DNM1L: variants seen among roughly 807,000 people sequenced by gnomAD.
DNM1L encodes the protein dynamin 1L.
A neutral mutation model predicts 92.8 loss-of-function variants in DNM1L; 33 were observed. That is an observed-to-expected ratio of 0.36 (90% CI 0.27 to 0.48). The LOEUF is 0.48. Ranked by LOEUF, DNM1L falls within the 20% of genes least tolerant of loss-of-function variation. The pLI is 0.99. For missense variants in DNM1L, 485 were observed against 888.8 expected, an observed-to-expected ratio of 0.55 and a Z score of 5.78; for synonymous variants, 284 against 305.0, an observed-to-expected ratio of 0.93 and a Z score of 0.72.
intron 9 of DNM1L, among the ~76,000 whole-genome samples, chr12:32,729,836 G>C (rs1031144178): frequency 6.6e-6 from 1 of 152,048 alleles, no homozygotes; most frequent in African/African-American, 2.4e-5. Context: ...TTGTCCTTTT[G>C]TGCTTGGCTT....
At chr12:32,693,168 G>T (rs969660363) in intron 1 of DNM1L, among the ~76,000 whole-genome samples, 4 of 152,086 alleles carry the variant, frequency 2.6e-5, no homozygotes, top group Non-Finnish European at 2.9e-5. Context: ...ATTTATATCT[G>T]TACTTTCTAT....
intron 13 of DNM1L, 98 bp from the exon 14 acceptor site, chr12:32,737,007 G>GT (rs1954930603): frequency 8.4e-7 from 1 of 1,187,702 alleles, no homozygotes; most frequent in African/African-American, 1.5e-5. Flanking sequence ...GGATGTATCT[G>GT]TAAGTTACTC....
intron 9 of DNM1L, chr12:32,726,917 TA>T: frequency 1.4e-6 from 1 of 693,984 alleles, no homozygotes; most frequent in Admixed American, 2.3e-5. Flanking sequence ...ATTGAAATTC[TA>T]AGACAAAACT....
At chr12:32,706,027 T>A in intron 2 of DNM1L, 1 of 543,524 alleles carries the variant, frequency 1.8e-6, no homozygotes, top group Non-Finnish European at 3.1e-6. Flanking sequence ...TGGCATTGCA[T>A]CAAAATGCAA....
At chr12:32,729,884 C>T (rs77458370) in intron 9 of DNM1L, among the ~76,000 whole-genome samples, 3,085 of 152,008 alleles carry the variant, frequency 0.02, 103 homozygotes, top group African/African-American at 0.072. Flanking sequence ...TACTTTTTGC[C>T]TGAGCTAGTA....
At chr12:32,681,115 A>C (rs1592552087) in intron 1 of DNM1L, among the ~76,000 whole-genome samples, 1 of 152,336 alleles carries the variant, frequency 6.6e-6, no homozygotes, top group African/African-American at 2.4e-5. Flanking sequence ...TAAAGATCCC[A>C]TCCTTCTGAA....
chr12:32,706,621 T>C, intron 2 of DNM1L: 3 of 445,606 alleles, frequency 6.7e-6, no homozygotes, highest in Non-Finnish European at 1.3e-5. Flanking sequence ...GAGTGGCAAC[T>C]CCTTACGCTG....
chr12:32,723,235 A>G (rs1257244648), intron 9 of DNM1L, among the ~76,000 whole-genome samples: 1 of 152,132 alleles, frequency 6.6e-6, no homozygotes, highest in East Asian at 1.9e-4. Flanking sequence ...AACTGGAAAA[A>G]TGGCATAAAC....
At chr12:32,722,313 C>T in intron 8 of DNM1L, 114 bp from the exon 9 acceptor site, 1 of 860,074 alleles carries the variant, frequency 1.2e-6, no homozygotes, top group Non-Finnish European at 1.9e-6. Context: ...CACAGTATCA[C>T]ATTTGCCAGG....
At chr12:32,727,233 A>G in intron 9 of DNM1L, 8 of 1,435,036 alleles carry the variant, frequency 5.6e-6, no homozygotes, top group South Asian at 1.1e-5. Flanking sequence ...AGGCTGATAG[A>G]GAACAGCATA....
chr12:32,718,098 T>G (rs1592627103), intron 6 of DNM1L, among the ~76,000 whole-genome samples: 1 of 137,916 alleles, frequency 7.3e-6, no homozygotes, highest in East Asian at 2.0e-4. Flanking sequence ...ATATATATAC[T>G]ATATATATTT....
chr12:32,679,497 AGACC>A, intron 1 of DNM1L, 32 bp downstream of exon 1: 4 of 1,588,196 alleles, frequency 2.5e-6, no homozygotes, highest in Non-Finnish European at 3.4e-6. Context: ...CGCTCGGGCC[AGACC>A]CCGGCCGCAG....
intron 1 of DNM1L, among the ~76,000 whole-genome samples, chr12:32,681,503 G>A (rs1951802129): frequency 6.6e-6 from 1 of 151,792 alleles, no homozygotes; most frequent in South Asian, 2.1e-4. Flanking sequence ...GTGCGTGCAG[G>A]AGTGCATGTC....
In DNM1L at chr12:32,679,303, G is replaced by C. The variant is rs1463060303; in HGVS notation, c.-61G>C. On this transcript the variant is annotated 5_prime_UTR_variant, in exon 1 of 20. Coordinates refer to ENST00000549701, the MANE Select transcript of DNM1L (RefSeq NM_012062.5). ...GGAGAGGAGGAAGGAGGCGAACTGTGGGCCCCGGCCCCATTCATTGCCGTG... is the reference window on the plus strand; with the variant it reads ...GGAGAGGAGGAAGGAGGCGAACTGTCGGCCCCGGCCCCATTCATTGCCGTG... 2.5e-6 allele frequency: 3 copies of C among 1,208,570 alleles called. No individual in the cohort carries two copies. 74.9% of individuals were successfully genotyped at this position (1,208,570 alleles called of 1,614,324 possible).
At chr12:32,719,528 A>G (rs1233746691) in intron 7 of DNM1L, among the ~76,000 whole-genome samples, 3 of 151,994 alleles carry the variant, frequency 2.0e-5, no homozygotes, top group Non-Finnish European at 2.9e-5. Context: ...ATCCTAATTT[A>G]TAAATAGTTG....
In DNM1L at chr12:32,731,337, C is replaced by A; in HGVS notation, c.1201-19C>A. 1.9e-6 allele frequency: 3 copies of A among 1,614,016 alleles called. No individual in the cohort carries two copies. The highest frequency in any genetic ancestry group is 8.5e-7 in the Non-Finnish European group (1 of 1,179,976). On this transcript the variant is annotated intron_variant, in intron 10 of 19. Coordinates refer to ENST00000549701, the MANE Select transcript of DNM1L (RefSeq NM_012062.5). The surrounding 1 kb of genome is among the most constrained non-coding windows in gnomAD (Gnocchi z 5.1). ...TGAAATTACATATATAATAAGAGTT[C>A]TAAGTTTTATTTTCTCAGGGTCCTC...
rs1592648902 is a variant in DNM1L, at chr12:32,727,007, C to T, written c.1080-4007C>T. On this transcript the variant is annotated intron_variant, in intron 9 of 19. Coordinates refer to ENST00000549701, the MANE Select transcript of DNM1L (RefSeq NM_012062.5). ...GAATAGGTTCATCATGTTTCTGAAG[C>T]ATATCACTGAGCAAGTCAACATTCT... The T allele has an allele frequency of 3.4e-5, 25 of 741,714 alleles. No individual in the cohort carries two copies. The East Asian group carries it at 4.7e-4, about 14-fold the overall frequency. The allele number at this position is 741,714 out of a possible 1,614,324, so 45.9% of individuals were successfully genotyped here.
chr12:32,703,377 G>T (rs7980822), intron 2 of DNM1L, among the ~76,000 whole-genome samples: 21,467 of 151,766 alleles, frequency 0.14, 1,556 homozygotes, highest in Middle Eastern at 0.19. Context: ...ACACAATATA[G>T]ATTATATAAA....
chr12:32,726,632 A>C, intron 9 of DNM1L: 3 of 869,996 alleles, frequency 3.4e-6, no homozygotes, highest in Non-Finnish European at 5.6e-6. Flanking sequence ...CTCCACTCTC[A>C]GGAACTTCAG....
Sources: gnomAD v4.1 joint callset for allele counts (sites outside exome capture counted in the v4.1 genomes callset) on GRCh38, gnomAD v4.1.1 for gene constraint, Gnocchi (gnomAD v3.1) non-coding constraint, MANE v1.5 for transcripts, NCBI Gene and HGNC (gene_info 2026-07-23, HGNC 2026-07-21) for gene names.